The following CORO7 variants were observed in gnomAD, a reference collection of about 807,000 sequenced individuals.
CORO7 encodes coronin 7.
In CORO7, 107 loss-of-function variants were observed where a neutral mutation model predicts 126.6. That is an observed-to-expected ratio of 0.85 (90% CI 0.72 to 0.99). The LOEUF (loss-of-function observed/expected upper bound fraction) is 0.99. CORO7 is among the 50% of genes least tolerant of loss of function. The pLI is 0.00. For missense variants in CORO7, 1,314 were observed against 1,255.8 expected, an observed-to-expected ratio of 1.05 and a Z score of -0.70; for synonymous variants, 603 against 536.8, an observed-to-expected ratio of 1.12 and a Z score of -1.70.
At chr16:4,391,689 C>G (rs936392659) in intron 7 of CORO7, among the ~76,000 whole-genome samples, 3 of 152,254 alleles carry the variant, frequency 2.0e-5, no homozygotes, top group Non-Finnish European at 4.4e-5. Context: ...CGTGTTGGCG[C>G]CACTGCACTC....
At position 4,381,909 on chromosome 16, in the gene CORO7, C is replaced by T. The variant is rs200909451; in HGVS notation, c.785+6077G>A. 3.5e-5 allele frequency: 57 copies of T among 1,606,228 alleles called. 1 individual carries two copies. The East Asian group carries it at 8.7e-4, about 25-fold the overall frequency. ...GCCGGCTGCTCCTGGAGCTTGACTA[C>T]GCCGACTTTGGCTGCCCAGCCACCA... On this transcript the variant is annotated intron_variant, in intron 9 of 27. Coordinates refer to ENST00000251166, the MANE Select transcript of CORO7 (RefSeq NM_024535.5).
chr16:4,376,925 C>T (rs552576475), intron 9 of CORO7, among the ~76,000 whole-genome samples: 2 of 152,352 alleles, frequency 1.3e-5, no homozygotes, highest in South Asian at 2.1e-4. Context: ...GCCCAGGGGG[C>T]AGGCAGAGTT....
chr16:4,404,309 C>A (rs2055917847), intron 6 of CORO7, among the ~76,000 whole-genome samples: 1 of 152,136 alleles, frequency 6.6e-6, no homozygotes, highest in Non-Finnish European at 1.5e-5. Context: ...TCCCAGCAAC[C>A]CCGACAGGTC....
chr16:4,407,281 A>ATTGTTGT lies in CORO7; in HGVS notation c.487+219_487+220insACAACAA, dbSNP rs1304942544. Among the ~76,000 whole-genome samples the ATTGTTGT allele has an allele frequency of 2.0e-5, 3 of 152,220 alleles. No individual in the cohort carries two copies. The East Asian group carries it at 5.8e-4, about 29-fold the overall frequency. On this transcript the variant is annotated intron_variant, in intron 5 of 27. Coordinates refer to ENST00000251166, the MANE Select transcript of CORO7 (RefSeq NM_024535.5). ...TTTAAATGGAGAAAAACAACAGAAA[A>ATTGTTGT]AAAAAAAAACAGGTAAGAGGATGAA...
chr16:4,357,126 G>C (rs778985635), intron 26 of CORO7, 42 bp downstream of exon 26: 1 of 1,611,440 alleles, frequency 6.2e-7, no homozygotes, highest in Admixed American at 1.7e-5. Context: ...GGTGCAGCCA[G>C]GACTCTGTCA....
intron 9 of CORO7, chr16:4,381,574 C>A: frequency 1.2e-6 from 2 of 1,605,418 alleles, no homozygotes; most frequent in Admixed American, 3.4e-5. Flanking sequence ...GCGAGTGCCA[C>A]CTGTGATCCG....
intron 10 of CORO7, 37 bp downstream of exon 10, chr16:4,365,454 C>G (rs3747576): frequency 0.55 from 858,256 of 1,553,194 alleles, 240,847 homozygotes; most frequent in African/African-American, 0.69. Flanking sequence ...GGACTCCAGG[C>G]TGTGGATGTG....
Position 4,408,216 on chromosome 16 carries a change from C to T in CORO7, c.268G>A (p.Asp90Asn). ...GCCGAGCCTGTGGCCAGGAGGAAGTCATCAAAGGGCGAGAAGTCCAAGTCG... is the reference window on the plus strand; with the variant it reads ...GCCGAGCCTGTGGCCAGGAGGAAGTTATCAAAGGGCGAGAAGTCCAAGTCG... ...VTDLDFSPFD[D>N]FLLATGSADR... is the part of the protein sequence containing the mutation. The change falls in exon 4 of 28, where the codon GAC (aspartate) becomes AAC (asparagine). Residue 90 changes from aspartate (D) to asparagine (N), a missense_variant. Transcript: ENST00000251166. 1 of 1,614,188 alleles carries T rather than the reference C, an allele frequency of 6.2e-7. No individual in the cohort carries two copies.
At chr16:4,409,979 G>C (rs1484378083) in intron 3 of CORO7, among the ~76,000 whole-genome samples, 1 of 152,206 alleles carries the variant, frequency 6.6e-6, no homozygotes, top group Non-Finnish European at 1.5e-5. Flanking sequence ...TGCAGGCAAG[G>C]CTCTGAACAG....
chr16:4,379,191 G>A (rs948438275), intron 9 of CORO7, among the ~76,000 whole-genome samples: 1 of 152,136 alleles, frequency 6.6e-6, no homozygotes, highest in African/African-American at 2.4e-5. Flanking sequence ...AGCCTGTGTG[G>A]GGGAAGGGGA....
intron 9 of CORO7, chr16:4,381,550 G>A (rs896708038): frequency 7.5e-6 from 12 of 1,604,736 alleles, no homozygotes; most frequent in African/African-American, 4.0e-5. Context: ...GGATGTGTCC[G>A]ACAACCAGCT....
At chr16:4,372,825 G>C (rs8058761) in intron 9 of CORO7, among the ~76,000 whole-genome samples, 1 of 152,182 alleles carries the variant, frequency 6.6e-6, no homozygotes, top group African/African-American at 2.4e-5. Context: ...CAGGGGTGGA[G>C]TGTGCAGGGT....
intron 6 of CORO7, among the ~76,000 whole-genome samples, chr16:4,395,874 T>C (rs2055565909): frequency 6.6e-6 from 1 of 152,164 alleles, no homozygotes; most frequent in South Asian, 2.1e-4. Flanking sequence ...CAGTTATTGA[T>C]TCAGATTATC....
rs1290541078 is a variant in CORO7, at chr16:4,405,432, G to T, written c.564+59C>A. 3.2e-6 allele frequency: 5 copies of T among 1,551,054 alleles called. No individual in the cohort carries two copies. The Admixed American group carries it at 7.3e-5, about 23-fold the overall frequency. On this transcript the variant is annotated intron_variant, in intron 6 of 27. Coordinates refer to ENST00000251166, the MANE Select transcript of CORO7 (RefSeq NM_024535.5). ...CAAGCCTGGAAGGCCCAGCCCAGGG[G>T]GTCCCAGCCCAGGAGGCCTGCACAG...
At chr16:4,359,676 G>A in intron 21 of CORO7, 55 bp from the exon 22 acceptor site, 1 of 1,538,258 alleles carries the variant, frequency 6.5e-7, no homozygotes, top group Non-Finnish European at 8.7e-7. Flanking sequence ...GGGGCCTGGG[G>A]CAGGGAGAAG....
At chr16:4,389,578 C>T (rs912383080) in intron 7 of CORO7, among the ~76,000 whole-genome samples, 8 of 152,198 alleles carry the variant, frequency 5.3e-5, no homozygotes, top group Non-Finnish European at 8.8e-5. Context: ...CCATCGGAAA[C>T]GGCTCCAGGT....
At chr16:4,377,887 G>A (rs2054803177) in intron 9 of CORO7, among the ~76,000 whole-genome samples, 2 of 152,174 alleles carry the variant, frequency 1.3e-5, no homozygotes, top group East Asian at 3.8e-4. Flanking sequence ...CAGGACCCCA[G>A]CCCACAGTCC....
Position 4,362,496 on chromosome 16 carries a change from A to AG in CORO7, c.1402+115dup. The AG allele has an allele frequency of 7.0e-7, 1 of 1,435,534 alleles. No individual in the cohort carries two copies. The highest frequency in any genetic ancestry group is 9.1e-7 in the Non-Finnish European group (1 of 1,094,658). The allele number at this position is 1,435,534 out of a possible 1,614,324, so 88.9% of individuals were successfully genotyped here. A position where few individuals can be genotyped will look rare whatever the true frequency, so the allele number is the denominator to read the frequency against. On this transcript the variant is annotated intron_variant, in intron 15 of 27. Transcript: ENST00000251166. The surrounding 1 kb of genome is among the most constrained non-coding windows in gnomAD (Gnocchi z 5.3). ...ATGACCCTGCCAGTGAGTCTGGGTG[A>AG]GGGGGGTGCCCTGCATGAGGCCTGT... is the stretch of plus-strand genomic sequence containing the variant.
At chr16:4,382,205 G>C (rs749124921) in intron 9 of CORO7, 1 of 1,603,034 alleles carries the variant, frequency 6.2e-7, no homozygotes, top group South Asian at 1.1e-5. Flanking sequence ...TACTGTGAGA[G>C]CCAGATGGGG....
Sources: allele counts gnomAD v4.1 joint callset (sites outside exome capture counted in the v4.1 genomes callset), GRCh38; gene constraint gnomAD v4.1.1; non-coding constraint Gnocchi (gnomAD v3.1); transcripts MANE v1.5; gene names NCBI Gene and HGNC (gene_info 2026-07-23, HGNC 2026-07-21).